Variants in BORCS8 observed in about 807,000 individuals in gnomAD.
The protein encoded by BORCS8 is BLOC-1-related complex subunit 8.
Under a neutral mutation model 18.7 loss-of-function variants are expected in BORCS8, and 13 were observed. The ratio of observed to expected loss-of-function variants is 0.70; its 90% confidence interval spans 0.45 to 1.11. The LOEUF (loss-of-function observed/expected upper bound fraction) is 1.11, where lower values mean the gene tolerates loss of function less well. BORCS8 is among the 50% of genes least tolerant of loss of function. BORCS8 has a pLI of 0.00. For missense variants in BORCS8, 165 were observed against 165.7 expected, an observed-to-expected ratio of 1.00 and a Z score of 0.02; for synonymous variants, 68 against 64.8, an observed-to-expected ratio of 1.05 and a Z score of -0.24.
In BORCS8 at chr19:19,186,033, C is replaced by G; in HGVS notation, c.215+1G>C. On this transcript the variant is annotated splice_donor_variant, in intron 3 of 5. Coordinates refer to ENST00000462790, the MANE Select transcript of BORCS8 (RefSeq NM_001145784.2). LOFTEE classifies it high-confidence loss of function. ...TGCAGCGGGGAGGCTGTGGCGCTCA[C>G]CTGCAGGCGTACTCCACAGTGTAGA... 1 of 1,550,762 alleles carries G rather than the reference C, an allele frequency of 6.4e-7. No homozygotes were observed. The highest frequency in any genetic ancestry group is 1.2e-5 in the South Asian group (1 of 84,014).
rs1000362990 is a variant in BORCS8, at chr19:19,186,955, C to T, written c.88G>A (p.Val30Met). 10 of 1,551,180 alleles carry T rather than the reference C, an allele frequency of 6.4e-6. No individual in the cohort carries two copies. The highest frequency in any genetic ancestry group is 2.0e-5 in the Admixed American group (1 of 50,944). The change falls in exon 2 of 6, where the codon GTG becomes ATG. Residue 30 changes from valine to methionine, a missense_variant. Physicochemically the swap from Val to Met is conservative, Grantham distance 21 (BLOSUM62 1). Transcript: ENST00000462790. ...TGCTCCTGCAGCCGGTACAGGGCCACGGATGGCTCGTTGGCCAGGACGTAG... is the reference window on the plus strand; with the variant it reads ...TGCTCCTGCAGCCGGTACAGGGCCATGGATGGCTCGTTGGCCAGGACGTAG... ...SVYVLANEPSVALYRLQEHVR... is the reference protein window; with the variant it reads ...SVYVLANEPSMALYRLQEHVR...
intron 3 of BORCS8, 50 bp downstream of exon 3, chr19:19,185,984 G>A: frequency 6.5e-7 from 1 of 1,529,178 alleles, no homozygotes; most frequent in South Asian, 1.2e-5. Context: ...ATGCCCAGGA[G>A]GCCAGAGCAG....
At chr19:19,180,272 G>A (rs1193749103) in intron 5 of BORCS8, 1 of 219,090 alleles carries the variant, frequency 4.6e-6, no homozygotes, top group East Asian at 1.5e-4. Flanking sequence ...GGCAGTAGAT[G>A]GGTGGGGAGG....
chr19:19,186,450 A>G (rs909338446), intron 2 of BORCS8, among the ~76,000 whole-genome samples: 3 of 152,196 alleles, frequency 2.0e-5, no homozygotes, highest in East Asian at 1.9e-4. Flanking sequence ...GTGTTGTGAG[A>G]GGGACCAGGT....
intron 5 of BORCS8, chr19:19,178,959 CAAA>C (rs555063108): frequency 3.3e-5 from 3 of 90,278 alleles, no homozygotes; most frequent in Non-Finnish European, 2.3e-5. Context: ...GACTCCATCT[CAAA>C]AAAAAAAAAA....
chr19:19,180,281 G>A (rs919911896), intron 5 of BORCS8: 10 of 223,426 alleles, frequency 4.5e-5, no homozygotes, highest in African/African-American at 2.1e-4. Context: ...TGGGTGGGGA[G>A]GTCCCAGAGA....
Position 19,186,063 on chromosome 19 carries a change from T to C in BORCS8, c.186A>G (p.Gly62=). 1.3e-6 allele frequency: 2 copies of C among 1,550,720 alleles called. No homozygotes were observed. The highest frequency in any genetic ancestry group is 8.7e-7 in the Non-Finnish European group (1 of 1,146,758). ...DMQRWEEQSQ[G]AIYTVEYACS... ...AGGCGTACTCCACAGTGTAGATGGC[T>C]CCCTGGCTCTGCTCCTCCCAACGCT... Residue 62 remains glycine, a synonymous_variant, in exon 3 of 6, where the codon GGA becomes GGG. Coordinates refer to ENST00000462790, the MANE Select transcript of BORCS8 (RefSeq NM_001145784.2).
At chr19:19,186,699 C>G (rs576606262) in intron 2 of BORCS8, among the ~76,000 whole-genome samples, 194 bp downstream of exon 2, 1 of 152,328 alleles carries the variant, frequency 6.6e-6, no homozygotes, top group East Asian at 1.9e-4. Flanking sequence ...TATAAATTAC[C>G]CAGTCTTGGC....
In BORCS8 at chr19:19,188,836, T is replaced by C. The variant is rs191222871; in HGVS notation, c.38-1831A>G. On this transcript the variant is annotated intron_variant, in intron 1 of 5. Transcript: ENST00000462790. ...CCTGCAGGTGTCTCCTGATGAAATT[T>C]TTTTTTTCTTGTTTTTGAGACAGAG... is the stretch of plus-strand genomic sequence containing the variant. 2.6e-5 allele frequency among the ~76,000 whole-genome samples: 4 copies of C among 151,978 alleles called. No homozygotes were observed. In the East Asian group the frequency reaches 7.8e-4, roughly 30 times the overall value.
Position 19,182,548 on chromosome 19 carries a change from G to T in BORCS8, c.326+25C>A, listed in dbSNP as rs898325807. ...GGTCCTTGCAGCTGGGAGTGGCAGT[G>T]GGGGCGGGCGGTCCCAGGAGCTACC... is the stretch of plus-strand genomic sequence containing the variant. On this transcript the variant is annotated intron_variant, in intron 4 of 5. Coordinates refer to ENST00000462790, the MANE Select transcript of BORCS8 (RefSeq NM_001145784.2). This position sits in a 1 kb window ranked among gnomAD's most constrained non-coding sequence, Gnocchi z 4.1. 2 of 1,545,518 alleles carry T rather than the reference G, an allele frequency of 1.3e-6. No homozygotes were observed. The highest frequency in any genetic ancestry group is 1.7e-6 in the Non-Finnish European group (2 of 1,145,022).
intron 5 of BORCS8, 54 bp downstream of exon 5, chr19:19,180,632 G>T: frequency 1.6e-6 from 2 of 1,236,390 alleles, no homozygotes; most frequent in Non-Finnish European, 1.2e-6. Flanking sequence ...CCAAGCGGGC[G>T]GGTTGGTTAG....
intron 3 of BORCS8, among the ~76,000 whole-genome samples, chr19:19,183,014 AC>A (rs888790916): frequency 6.6e-5 from 10 of 152,216 alleles, no homozygotes; most frequent in Non-Finnish European, 1.3e-4. Flanking sequence ...TGTGGTTCAC[AC>A]CTATAATCCC....
chr19:19,187,166 G>C (rs2060417818), intron 1 of BORCS8, 161 bp from the exon 2 acceptor site: 1 of 595,514 alleles, frequency 1.7e-6, no homozygotes, highest in Non-Finnish European at 3.0e-6. Flanking sequence ...AGTGGTCACA[G>C]CAGGGCTCAC....
chr19:19,186,316 C>A (rs764217717), intron 2 of BORCS8, among the ~76,000 whole-genome samples: 5 of 152,234 alleles, frequency 3.3e-5, no homozygotes, highest in Non-Finnish European at 7.3e-5. Context: ...CCTGGCACAT[C>A]CTTCCCTTAG....
intron 3 of BORCS8, among the ~76,000 whole-genome samples, chr19:19,185,617 C>T (rs1207914065): frequency 6.6e-6 from 1 of 152,162 alleles, no homozygotes. Context: ...ACTTGAGAGG[C>T]GGACGTTGCA....
At chr19:19,180,634 G>T in intron 5 of BORCS8, 52 bp downstream of exon 5, 1 of 1,277,986 alleles carries the variant, frequency 7.8e-7, no homozygotes, top group Non-Finnish European at 1.1e-6. Context: ...AAGCGGGCGG[G>T]TTGGTTAGTT....
chr19:19,180,823 C>A, intron 4 of BORCS8, 62 bp from the exon 5 acceptor site: 1 of 1,478,270 alleles, frequency 6.8e-7, no homozygotes, highest in Non-Finnish European at 9.1e-7. Flanking sequence ...GCTTGCTCAG[C>A]TGGCTGGAGT....
intron 3 of BORCS8, 139 bp downstream of exon 3, chr19:19,185,895 G>A (rs773606992): frequency 1.6e-5 from 13 of 810,034 alleles, no homozygotes; most frequent in Admixed American, 9.1e-5. Flanking sequence ...CAAGTGAATC[G>A]TGGTACAGAC....
At chr19:19,180,403 G>T (rs904181301) in intron 5 of BORCS8, 1 of 500,674 alleles carries the variant, frequency 2.0e-6, no homozygotes, top group Non-Finnish European at 3.6e-6. Flanking sequence ...TCTGTCTTGG[G>T]GGGTGGAAAT....
Sources: allele counts gnomAD v4.1 joint callset (sites outside exome capture counted in the v4.1 genomes callset), GRCh38; gene constraint gnomAD v4.1.1; non-coding constraint Gnocchi (gnomAD v3.1); transcripts MANE v1.5; gene names NCBI Gene and HGNC (gene_info 2026-07-23, HGNC 2026-07-21).